The following RO60 variants were observed in gnomAD, a reference collection of about 807,000 sequenced individuals.
The protein encoded by RO60 is RNA-binding protein RO60.
RO60 carries 20 observed loss-of-function variants against 55.3 expected under a neutral mutation model. The observed-to-expected ratio is 0.36, with a 90% CI of 0.25 to 0.53. RO60 has a LOEUF of 0.53. Among genes scored for constraint, RO60 ranks in the 20% least tolerant of loss-of-function variants. The pLI, the probability that RO60 is intolerant of heterozygous loss-of-function variation, is 0.92. For missense variants in RO60, 558 were observed against 646.6 expected, an observed-to-expected ratio of 0.86 and a Z score of 1.49; for synonymous variants, 213 against 213.6, an observed-to-expected ratio of 1.00 and a Z score of 0.02.
At chr1:193,073,303 G>C (rs538333814) in intron 2 of RO60, among the ~76,000 whole-genome samples, 2 of 152,162 alleles carry the variant, frequency 1.3e-5, no homozygotes, top group African/African-American at 4.8e-5. Flanking sequence ...GTTAACTTTT[G>C]ATCAAGTTAT....
At chr1:193,083,314 G>A (rs747143830) in intron 8 of RO60, among the ~76,000 whole-genome samples, 1 of 151,976 alleles carries the variant, frequency 6.6e-6, no homozygotes, top group Non-Finnish European at 1.5e-5. Flanking sequence ...TGTGCTCCTT[G>A]AAAAATTGAA....
chr1:193,076,308 C>T (rs1347076030), intron 3 of RO60, among the ~76,000 whole-genome samples, 193 bp from the exon 4 acceptor site: 1 of 152,048 alleles, frequency 6.6e-6, no homozygotes, highest in African/African-American at 2.4e-5. Context: ...ATATACTTCA[C>T]ATCCTTTTTC....
chr1:193,076,345 A>G (rs999877933), intron 3 of RO60, among the ~76,000 whole-genome samples, 156 bp from the exon 4 acceptor site: 3 of 152,164 alleles, frequency 2.0e-5, no homozygotes, highest in Non-Finnish European at 2.9e-5. Context: ...AGCTTATTTG[A>G]TAAGCCTTTT....
At chr1:193,082,143 T>TC (rs781607569) in intron 6 of RO60, 43 bp from the exon 7 acceptor site, 2 of 1,139,216 alleles carry the variant, frequency 1.8e-6, no homozygotes, top group East Asian at 2.3e-5. Flanking sequence ...ATATTGTATT[T>TC]CCCCCCAAAT....
At position 193,090,239 on chromosome 1, in the gene RO60, G is replaced by A. The variant is rs1274090336; in HGVS notation, c.*5508G>A. ...GGATATGGATATGTGGATAAAGACA[G>A]TAAATGAAATTAAAACCCTGCTGTT... On this transcript the variant is annotated 3_prime_UTR_variant, in exon 9 of 9. Transcript: ENST00000400968. The A allele has an allele frequency of 1.3e-5, 2 of 152,138 alleles. No individual in the cohort carries two copies. The highest frequency in any genetic ancestry group is 2.9e-5 in the Non-Finnish European group (2 of 68,026). The allele number at this position is 152,138 out of a possible 1,614,324, so 9.4% of individuals were successfully genotyped here. A position where few individuals can be genotyped will look rare whatever the true frequency, so the allele number is the denominator to read the frequency against.
At chr1:193,065,987 C>CT (rs1419068560) in intron 1 of RO60, among the ~76,000 whole-genome samples, 3 of 152,208 alleles carry the variant, frequency 2.0e-5, no homozygotes, top group African/African-American at 7.2e-5. Flanking sequence ...GAGACCCAGT[C>CT]TTTCATTCCT....
intron 2 of RO60, among the ~76,000 whole-genome samples, chr1:193,074,215 A>C (rs1160815669): frequency 2.0e-5 from 3 of 152,152 alleles, no homozygotes; most frequent in Non-Finnish European, 4.4e-5. Context: ...ATGTGTCTTT[A>C]TAGCAGCATG....
In RO60 at chr1:193,082,224, T is replaced by G; in HGVS notation, c.1242T>G (p.Ala414=). Residue 414 remains alanine, a synonymous_variant, in exon 7 of 9, where the codon GCT becomes GCG. Transcript: ENST00000400968. ...TRTEKDSYVV[A]FSDEMVPCPV... ...CAGAAAAAGATTCTTATGTAGTTGC[T>G]TTTTCCGATGAAATGGTACCATGTC... 6.2e-7 allele frequency: 1 copy of G among 1,612,974 alleles called. No homozygotes were observed. The highest frequency in any genetic ancestry group is 1.1e-5 in the South Asian group (1 of 90,896).
chr1:193,060,010 G>T, intron 1 of RO60: 1 of 1,360,142 alleles, frequency 7.4e-7, no homozygotes, highest in African/African-American at 1.5e-5. Context: ...CCTCAGGGTG[G>T]GCCCTTTCCG....
At chr1:193,083,583 G>A (rs1055467672) in intron 8 of RO60, among the ~76,000 whole-genome samples, 9 of 152,152 alleles carry the variant, frequency 5.9e-5, no homozygotes, top group African/African-American at 1.9e-4. Flanking sequence ...TTCCCTACCA[G>A]CAGTCTTAGC....
rs905224523 is a variant in RO60, at chr1:193,089,702, A to T, written c.*4971A>T. ...TTATATATACAACAAAAATATACAA[A>T]AGCTAACCTTCTCATCCTAAAAAGA... On this transcript the variant is annotated 3_prime_UTR_variant, in exon 9 of 9. Coordinates refer to ENST00000400968, the MANE Select transcript of RO60 (RefSeq NM_001173524.2). 1.3e-5 allele frequency: 2 copies of T among 152,112 alleles called. No individual in the cohort carries two copies. The highest frequency in any genetic ancestry group is 2.9e-5 in the Non-Finnish European group (2 of 68,008). 9.4% of individuals were successfully genotyped at this position (152,112 alleles called of 1,614,324 possible). A position where few individuals can be genotyped will look rare whatever the true frequency, so the allele number is the denominator to read the frequency against.
rs1307087184 is a variant in RO60, at chr1:193,059,697, C to T, written c.-101C>T. 2.2e-6 allele frequency: 3 copies of T among 1,357,872 alleles called. No homozygotes were observed. Among genetic ancestry groups the T allele is most frequent in the Admixed American group, 2.0e-5 (1 of 49,950 alleles). The allele number at this position is 1,357,872 out of a possible 1,614,324, so 84.1% of individuals were successfully genotyped here. On this transcript the variant is annotated 5_prime_UTR_variant, in exon 1 of 9. Coordinates refer to ENST00000400968, the MANE Select transcript of RO60 (RefSeq NM_001173524.2). This position sits in a 1 kb window ranked among gnomAD's most constrained non-coding sequence, Gnocchi z 4.9. ...TGGCTGTCGCTGCCCGTCAGGCTGC[C>T]TTCTTTTGTCGTTTCCCAGCGCTGC...
At chr1:193,065,743 T>G (rs935127304) in intron 1 of RO60, among the ~76,000 whole-genome samples, 4 of 152,202 alleles carry the variant, frequency 2.6e-5, no homozygotes, top group African/African-American at 9.6e-5. Flanking sequence ...CTATGCTGTA[T>G]TCAGTAACTA....
chr1:193,081,844 A>G (rs775574609), intron 6 of RO60, among the ~76,000 whole-genome samples: 1 of 152,164 alleles, frequency 6.6e-6, no homozygotes, highest in Non-Finnish European at 1.5e-5. Flanking sequence ...AGATCTGGGA[A>G]CTAATAGGAG....
chr1:193,068,514 C>T (rs1673267141), intron 1 of RO60, among the ~76,000 whole-genome samples: 1 of 152,222 alleles, frequency 6.6e-6, no homozygotes, highest in Admixed American at 6.5e-5. Context: ...GGCAACCAAA[C>T]ATGTTTACAC....
chr1:193,084,837 G>A lies in RO60; in HGVS notation c.*106G>A. On this transcript the variant is annotated 3_prime_UTR_variant, in exon 9 of 9. Coordinates refer to ENST00000400968, the MANE Select transcript of RO60 (RefSeq NM_001173524.2). ...CCACCCAATGAATGATGATGGTATA[G>A]TATGTGCATAATGGAAAGTTACCTT... The A allele has an allele frequency of 3.3e-6, 5 of 1,523,098 alleles. No homozygotes were observed. The highest frequency in any genetic ancestry group is 4.4e-6 in the Non-Finnish European group (5 of 1,143,444). The allele number at this position is 1,523,098 out of a possible 1,614,324, so 94.3% of individuals were successfully genotyped here. A position where few individuals can be genotyped will look rare whatever the true frequency, so the allele number is the denominator to read the frequency against.
intron 1 of RO60, among the ~76,000 whole-genome samples, chr1:193,065,953 A>G (rs185664857): frequency 1.3e-5 from 2 of 152,238 alleles, no homozygotes; most frequent in East Asian, 3.9e-4. Context: ...ACTTATCCCT[A>G]CACCACTATG....
At chr1:193,060,044 C>T (rs369237382) in intron 1 of RO60, 11 of 1,340,594 alleles carry the variant, frequency 8.2e-6, no homozygotes, top group Non-Finnish European at 1.1e-5. Context: ...TCCTGCTTGT[C>T]GGCATCGCTC....
intron 1 of RO60, among the ~76,000 whole-genome samples, chr1:193,065,114 A>G (rs968037328): frequency 6.6e-6 from 1 of 152,226 alleles, no homozygotes; most frequent in African/African-American, 2.4e-5. Context: ...TTTATTCTCA[A>G]AATGTGTTAT....
Sources: gnomAD v4.1 joint callset for allele counts (sites outside exome capture counted in the v4.1 genomes callset) on GRCh38, gnomAD v4.1.1 for gene constraint, Gnocchi (gnomAD v3.1) non-coding constraint, MANE v1.5 for transcripts, NCBI Gene and HGNC (gene_info 2026-07-23, HGNC 2026-07-21) for gene names.